The following ATP2B1 variants were observed in gnomAD, a reference collection of about 807,000 sequenced individuals.
ATP2B1 encodes the protein plasma membrane calcium-transporting ATPase 1.
In ATP2B1, 14 loss-of-function variants were observed where a neutral mutation model predicts 124.2. That is an observed-to-expected ratio of 0.11 (90% confidence interval 0.07 to 0.18). The LOEUF (loss-of-function observed/expected upper bound fraction) is 0.18, where lower values mean the gene tolerates loss of function less well. Ranked by LOEUF, ATP2B1 falls within the 10% of genes least tolerant of loss-of-function variation. ATP2B1 has a pLI of 1.00. For missense variants in ATP2B1, 763 were observed against 1,466.1 expected (o/e 0.52, Z 7.83); for synonymous variants, 449 against 492.4 (o/e 0.91, Z 1.17).
chr12:89,683,979 C>A (rs987121070), intron 1 of ATP2B1, among the ~76,000 whole-genome samples: 1 of 151,922 alleles, frequency 6.6e-6, no homozygotes, highest in Non-Finnish European at 1.5e-5. Context: ...TGCAGAATGG[C>A]CAAATACCAT....
At chr12:89,685,451 T>A (rs1355046934) in intron 1 of ATP2B1, among the ~76,000 whole-genome samples, 3 of 152,098 alleles carry the variant, frequency 2.0e-5, no homozygotes, top group African/African-American at 7.2e-5. Flanking sequence ...CTTCAACAAC[T>A]TCTTTCAATC....
intron 1 of ATP2B1, among the ~76,000 whole-genome samples, chr12:89,695,068 A>AAAAAAG (rs1472844328): frequency 2.4e-5 from 2 of 84,664 alleles, no homozygotes; most frequent in Non-Finnish European, 6.0e-5. Context: ...CAAAAAAAAA[A>AAAAAAG]AAAGAAAAGA....
Position 89,657,985 on chromosome 12 carries a change from T to C in ATP2B1, c.-221-1878A>G, listed in dbSNP as rs532864049. Among the ~76,000 whole-genome samples, 14 of 152,274 alleles carry C rather than the reference T, an allele frequency of 9.2e-5. No homozygotes were observed. In the South Asian group the frequency reaches 2.1e-3, roughly 23 times the overall value. ...CTTGTCTAATTATTACCAATTTTAC[T>C]CATCTCCCAGGCAAAGTGGGTTCCC... On this transcript the variant is annotated intron_variant, in intron 1 of 20. Transcript: ENST00000428670.
rs767135689 is a variant in ATP2B1 at position 89,621,749 on chromosome 12, A to T, written c.1387T>A (p.Cys463Ser). ...GCTGTAGCATTTCCCATGGTTTCACAAGCATCCAGATGCCTTACTAAGTTA... is the reference window on the plus strand; with the variant it reads ...GCTGTAGCATTTCCCATGGTTTCACTAGCATCCAGATGCCTTACTAAGTTA... ...DNNLVRHLDA[C>S]ETMGNATAIC... Residue 463 changes from cysteine (C) to serine (S), a missense_variant, in exon 10 of 21, where the codon TGT becomes AGT. By Grantham distance (112) the Cys-to-Ser change is moderately radical. Coordinates refer to ENST00000428670, the MANE Select transcript of ATP2B1 (RefSeq NM_001366521.1). 1 of 1,604,506 alleles carries T rather than the reference A, an allele frequency of 6.2e-7. No homozygotes were observed. Among genetic ancestry groups the T allele is most frequent in the Non-Finnish European group, 8.5e-7 (1 of 1,175,538 alleles).
Position 89,635,168 on chromosome 12 carries a change from C to A in ATP2B1, c.490G>T (p.Val164Leu). 2 of 1,613,960 alleles carry A rather than the reference C, an allele frequency of 1.2e-6. No homozygotes were observed. Among genetic ancestry groups the A allele is most frequent in the Non-Finnish European group, 1.7e-6 (2 of 1,179,892 alleles). ...AAAGCTGTTACTAACACCACACACA[C>A]TACAGACAAGAGGATTGCAGCTCCT... The part of the protein sequence containing the change: ...IEGAAILLSV[V>L]CVVLVTAFND... Residue 164 changes from valine (V) to leucine (L), a missense_variant, in exon 4 of 21, where the codon GTG becomes TTG. Transcript: ENST00000428670.
In ATP2B1 at chr12:89,588,906, G is replaced by A. The variant is rs186789568; in HGVS notation, c.*2078C>T. The A allele has an allele frequency of 6.6e-6, 1 of 152,596 alleles. No homozygotes were observed. The highest frequency in any genetic ancestry group is 1.5e-5 in the Non-Finnish European group (1 of 67,992). The allele number at this position is 152,596 out of a possible 1,614,324, so 9.5% of individuals were successfully genotyped here. ...TAGGGTCAATTTTTAGAGTTGAAAG[G>A]GTTCTTCAAGATAGTCCACCACCCT... On this transcript the variant is annotated 3_prime_UTR_variant, in exon 21 of 21. Transcript: ENST00000428670.
In ATP2B1 at chr12:89,656,105, C is replaced by T. The variant is rs1885921639; in HGVS notation, c.-219G>A. 2.2e-6 allele frequency: 1 copy of T among 450,620 alleles called. No individual in the cohort carries two copies. Among genetic ancestry groups the T allele is most frequent in the Non-Finnish European group, 3.9e-6 (1 of 255,726 alleles). 27.9% of individuals were successfully genotyped at this position (450,620 alleles called of 1,614,324 possible). On this transcript the variant is annotated splice_region_variant and 5_prime_UTR_variant, in exon 2 of 21. The change creates a new upstream start codon in the 5' untranslated region. Transcript: ENST00000428670. The stretch of plus-strand genomic sequence containing the variant: ...CTCCATATCAATCATGAGATATACA[C>T]ATCTGTAAGAAGAAAATATTTAAAA...
rs1727037061 is a variant in ATP2B1 at position 89,625,256 on chromosome 12, A to G, written c.1130-859T>C. ...ACTCCAGCCTGGGTGACAGAGCAAG[A>G]CTCTGTCTCCCACCCTCAACACCCC... On this transcript the variant is annotated intron_variant, in intron 8 of 20. Coordinates refer to ENST00000428670, the MANE Select transcript of ATP2B1 (RefSeq NM_001366521.1). Among the ~76,000 whole-genome samples, 3 of 144,806 alleles carry G rather than the reference A, an allele frequency of 2.1e-5. No homozygotes were observed. In the Admixed American group the frequency reaches 2.1e-4, roughly 10 times the overall value. 95.0% of individuals were successfully genotyped at this position (144,806 alleles called of 152,430 possible).
Position 89,610,003 on chromosome 12 carries a change from T to C in ATP2B1, c.2376A>G (p.Val792=). Residue 792 remains valine (V), a synonymous_variant, in exon 15 of 21, where the codon GTA becomes GTG. Transcript: ENST00000428670. ...DSTVSDQRQV[V]AVTGDGTNDG... Reference sequence around the variant, plus strand: ...CATTTGTACCATCACCAGTTACAGCTACAACCTGGCGTTGGTCTGAGACAG... The same window carrying C: ...CATTTGTACCATCACCAGTTACAGCCACAACCTGGCGTTGGTCTGAGACAG... The C allele has an allele frequency of 6.2e-7, 1 of 1,613,770 alleles. No individual in the cohort carries two copies. The highest frequency in any genetic ancestry group is 8.5e-7 in the Non-Finnish European group (1 of 1,179,764).
chr12:89,676,257 T>C (rs1219335129), intron 1 of ATP2B1, among the ~76,000 whole-genome samples: 1 of 152,198 alleles, frequency 6.6e-6, no homozygotes, highest in African/African-American at 2.4e-5. Context: ...TTACCTTGGA[T>C]GTACAAAATC....
At chr12:89,652,092 C>A (rs190844370) in intron 2 of ATP2B1, among the ~76,000 whole-genome samples, 1 of 152,080 alleles carries the variant, frequency 6.6e-6, no homozygotes, top group Non-Finnish European at 1.5e-5. Flanking sequence ...AAACATGTAT[C>A]GCCAACACAC....
At chr12:89,641,810 A>G (rs1429894213) in intron 3 of ATP2B1, 3 of 166,666 alleles carry the variant, frequency 1.8e-5, no homozygotes, top group Non-Finnish European at 3.9e-5. Context: ...AAAGAAACCA[A>G]AAACTAAAAA....
intron 2 of ATP2B1, among the ~76,000 whole-genome samples, chr12:89,649,594 T>C (rs866392636): frequency 3.9e-5 from 6 of 152,210 alleles, no homozygotes; most frequent in African/African-American, 1.2e-4. Flanking sequence ...AGATGAGATT[T>C]TGGACTTTGA....
rs748860987 is a variant in ATP2B1, at chr12:89,598,649, T to A, written c.3351+468A>T. On this transcript the variant is annotated intron_variant, in intron 20 of 20. Transcript: ENST00000428670. ...CACTACATGTGTAGGGGTAGAAATATTTGTTACATCATGATGCTGGCTGGC... is the reference window on the plus strand; with the variant it reads ...CACTACATGTGTAGGGGTAGAAATAATTGTTACATCATGATGCTGGCTGGC... The A allele has an allele frequency of 3.1e-6, 5 of 1,613,818 alleles. 1 individual carries two copies. The Admixed American group carries it at 5.0e-5, about 16-fold the overall frequency.
chr12:89,651,115 A>T (rs574269437), intron 2 of ATP2B1, among the ~76,000 whole-genome samples: 1 of 152,386 alleles, frequency 6.6e-6, no homozygotes, highest in Non-Finnish European at 1.5e-5. Context: ...ATGGTTAATC[A>T]GAACCACTGG....
At chr12:89,672,184 G>A (rs1444802033) in intron 1 of ATP2B1, among the ~76,000 whole-genome samples, 1 of 152,222 alleles carries the variant, frequency 6.6e-6, no homozygotes, top group East Asian at 1.9e-4. Flanking sequence ...GGCTGGTGCA[G>A]TGGCTCACGC....
rs555923297 is a variant in ATP2B1, at chr12:89,669,086, C to G, written c.-221-12979G>C. 1.3e-3 allele frequency among the ~76,000 whole-genome samples: 198 copies of G among 152,282 alleles called. 1 individual carries two copies. Among genetic ancestry groups the G allele is most frequent in the African/African-American group, 4.5e-3 (189 of 41,544 alleles). On this transcript the variant is annotated intron_variant, in intron 1 of 20. Transcript: ENST00000428670. ...TTCTTGTGCACACACTCAGTATGTA[C>G]TGCATTTTCTTGTGTACTGCATTTT...
intron 8 of ATP2B1, among the ~76,000 whole-genome samples, chr12:89,626,039 G>A (rs910478894): frequency 1.3e-5 from 2 of 152,068 alleles, no homozygotes; most frequent in East Asian, 1.9e-4. Flanking sequence ...GCACTACAAC[G>A]ACTCCATTCA....
intron 1 of ATP2B1, among the ~76,000 whole-genome samples, chr12:89,697,417 T>C (rs1565928028): frequency 6.6e-6 from 1 of 152,164 alleles, no homozygotes; most frequent in Non-Finnish European, 1.5e-5. Flanking sequence ...CCATAGACTG[T>C]CTTCACTAAA....
Sources: gnomAD v4.1 joint callset for allele counts (sites outside exome capture counted in the v4.1 genomes callset) on GRCh38, gnomAD v4.1.1 for gene constraint, MANE v1.5 for transcripts, NCBI Gene and HGNC (gene_info 2026-07-23, HGNC 2026-07-21) for gene names.